Variants in RMND1 observed in about 807,000 individuals in gnomAD.
RMND1 encodes required for meiotic nuclear division protein 1 homolog.
A neutral mutation model predicts 54.0 loss-of-function variants in RMND1; 41 were observed. The observed-to-expected ratio is 0.76, with a 90% CI of 0.59 to 0.98. The LOEUF is 0.98. RMND1 is among the 50% of genes least tolerant of loss of function. RMND1 has a pLI of 0.00. For synonymous variants in RMND1, 183 were observed against 181.7 expected (o/e 1.01, Z -0.06); for missense variants, 457 against 532.0 (o/e 0.86, Z 1.39).
intron 1 of RMND1, among the ~76,000 whole-genome samples, chr6:151,448,288 T>C (rs1781023052): frequency 1.3e-5 from 2 of 152,080 alleles, no homozygotes; most frequent in Non-Finnish European, 2.9e-5. Context: ...ACTCCTTCTA[T>C]TACCCAATTC....
At chr6:151,405,668 G>A (rs937190864) in intron 11 of RMND1, 52 bp downstream of exon 11, 32 of 890,992 alleles carry the variant, frequency 3.6e-5, no homozygotes, top group Non-Finnish European at 5.6e-5. Context: ...CATAGCCCCT[G>A]TATTTGTGAA....
intron 2 of RMND1, among the ~76,000 whole-genome samples, chr6:151,440,043 AC>A (rs1439730198): frequency 3.7e-4 from 55 of 148,452 alleles, no homozygotes; most frequent in African/African-American, 1.3e-3. Context: ...TGCAACCTCT[AC>A]CCCCTGGATT....
At chr6:151,443,213 A>G (rs1780836008) in intron 2 of RMND1, among the ~76,000 whole-genome samples, 1 of 152,192 alleles carries the variant, frequency 6.6e-6, no homozygotes, top group Non-Finnish European at 1.5e-5. Context: ...CTGGGGACAT[A>G]TTACCTAGTC....
chr6:151,441,596 GTTAATCA>G lies in RMND1; in HGVS notation c.504+3705_504+3711del, dbSNP rs975614876. On this transcript the variant is annotated intron_variant, in intron 2 of 11. Coordinates refer to ENST00000444024, the MANE Select transcript of RMND1 (RefSeq NM_017909.4). Reference sequence around the variant, plus strand: ...TGGACGGAGAGGGGCTGGAGATTGAGTTAATCATTAATCATGGCTTACACAATGAAAC... The same window carrying G: ...TGGACGGAGAGGGGCTGGAGATTGAGTTAATCATGGCTTACACAATGAAAC... 1.1e-4 allele frequency among the ~76,000 whole-genome samples: 16 copies of G among 152,234 alleles called. 1 individual carries two copies. Among genetic ancestry groups the G allele is most frequent in the African/African-American group, 3.9e-4 (16 of 41,550 alleles).
intron 9 of RMND1, chr6:151,418,725 T>C (rs910041800): frequency 6.6e-6 from 1 of 152,222 alleles, no homozygotes; most frequent in African/African-American, 2.4e-5. Context: ...AGCATAAACA[T>C]ACACACTCTC....
At chr6:151,448,113 G>T (rs1781018574) in intron 1 of RMND1, among the ~76,000 whole-genome samples, 1 of 152,130 alleles carries the variant, frequency 6.6e-6, no homozygotes. Flanking sequence ...ACCGGACCCA[G>T]CCCATTTTTA....
chr6:151,415,377 T>C lies in RMND1; in HGVS notation c.1200+1902A>G, dbSNP rs547446705. Among the ~76,000 whole-genome samples the C allele has an allele frequency of 2.6e-5, 4 of 152,146 alleles. No homozygotes were observed. In the East Asian group the frequency reaches 5.8e-4, roughly 22 times the overall value. ...GTTGAAATCAGTAGATTGTAATAAG[T>C]TATATACGTAAGATGTAATAACCAG... is the stretch of plus-strand genomic sequence containing the variant. On this transcript the variant is annotated intron_variant, in intron 10 of 11. Coordinates refer to ENST00000444024, the MANE Select transcript of RMND1 (RefSeq NM_017909.4).
intron 6 of RMND1, among the ~76,000 whole-genome samples, chr6:151,426,065 C>T (rs116814111): frequency 0.015 from 2,325 of 151,878 alleles, 52 homozygotes; most frequent in African/African-American, 0.05. Flanking sequence ...GCCTCCGCCT[C>T]CGCCTCCCAA....
intron 2 of RMND1, 64 bp from the exon 3 acceptor site, chr6:151,436,618 G>T: frequency 6.5e-7 from 1 of 1,549,142 alleles, no homozygotes; most frequent in Non-Finnish European, 8.9e-7. Context: ...GACGGCTGCT[G>T]AGCACCCTAC....
At chr6:151,411,440 GGACTCAATCTCAAATTGGCC>G (rs1377749034) in intron 10 of RMND1, 1 of 152,142 alleles carries the variant, frequency 6.6e-6, no homozygotes, top group Non-Finnish European at 1.5e-5. Flanking sequence ...CTTCATGGAG[GGACTCAATCTCAAATTGGCC>G]TCGATACCAG....
intron 2 of RMND1, among the ~76,000 whole-genome samples, chr6:151,443,492 G>A (rs1440099578): frequency 6.6e-6 from 1 of 151,986 alleles, no homozygotes; most frequent in African/African-American, 2.4e-5. Flanking sequence ...TTGTATATTT[G>A]TAGAGACAGG....
intron 1 of RMND1, among the ~76,000 whole-genome samples, chr6:151,447,513 C>T (rs1263177983): frequency 4.6e-5 from 7 of 152,116 alleles, no homozygotes; most frequent in Admixed American, 4.6e-4. Flanking sequence ...AAAATAAAAC[C>T]CAGGCTTTCC....
intron 1 of RMND1, among the ~76,000 whole-genome samples, chr6:151,449,195 C>G (rs562914344): frequency 6.6e-6 from 1 of 151,620 alleles, no homozygotes; most frequent in African/African-American, 2.4e-5. Flanking sequence ...GGTGAAACCT[C>G]GTCTCTACTA....
intron 1 of RMND1, among the ~76,000 whole-genome samples, chr6:151,446,631 G>T (rs1325794450): frequency 6.6e-6 from 1 of 151,760 alleles, no homozygotes; most frequent in African/African-American, 2.4e-5. Context: ...GGCCACACAT[G>T]GTGGCTCACG....
At chr6:151,428,634 C>A (rs9371519) in intron 5 of RMND1, among the ~76,000 whole-genome samples, 1 of 152,020 alleles carries the variant, frequency 6.6e-6, no homozygotes, top group African/African-American at 2.4e-5. Context: ...TGGGTTCGAG[C>A]GATCCCCCTG....
chr6:151,435,317 T>C (rs562455710), intron 3 of RMND1, among the ~76,000 whole-genome samples: 76 of 152,116 alleles, frequency 5.0e-4, no homozygotes, highest in Non-Finnish European at 8.8e-4. Context: ...GGCTAATTTT[T>C]GTATTTTTAG....
At chr6:151,425,076 G>A (rs1780257682) in intron 6 of RMND1, among the ~76,000 whole-genome samples, 1 of 152,138 alleles carries the variant, frequency 6.6e-6, no homozygotes, top group South Asian at 2.1e-4. Context: ...CTGAGTAGCT[G>A]GGATTACAGG....
intron 4 of RMND1, among the ~76,000 whole-genome samples, chr6:151,432,922 C>T (rs929168517): frequency 2.6e-5 from 4 of 152,078 alleles, no homozygotes; most frequent in Non-Finnish European, 4.4e-5. Context: ...AAAGACACCC[C>T]GGGGAAGATC....
intron 10 of RMND1, among the ~76,000 whole-genome samples, chr6:151,407,968 G>C (rs1779686516): frequency 6.6e-6 from 1 of 152,072 alleles, no homozygotes; most frequent in African/African-American, 2.4e-5. Context: ...TAGGTATAGA[G>C]GCATGTACGC....
Sources: allele counts gnomAD v4.1 joint callset (sites outside exome capture counted in the v4.1 genomes callset), GRCh38; gene constraint gnomAD v4.1.1; transcripts MANE v1.5; gene names NCBI Gene and HGNC (gene_info 2026-07-23, HGNC 2026-07-21).